ZNF644: variants seen among roughly 807,000 people sequenced by gnomAD.
ZNF644 encodes the protein zinc finger motif enhancer binding protein 2.
Under a neutral mutation model 108.0 loss-of-function variants are expected in ZNF644, and 20 were observed. That is an observed-to-expected ratio of 0.19 (90% CI 0.13 to 0.27). The LOEUF is 0.27. Ranked by LOEUF, ZNF644 falls within the 10% of genes least tolerant of loss-of-function variation. The probability of loss-of-function intolerance (pLI) is 1.00; values close to 1 mark genes in which losing one functional copy is unlikely to be tolerated. For missense variants in ZNF644, 1,338 were observed against 1,548.9 expected (o/e 0.86, Z 2.29); for synonymous variants, 542 against 539.1 (o/e 1.01, Z -0.08).
chr1:90,966,831 CAGTA>C (rs1401481926), intron 2 of ZNF644, among the ~76,000 whole-genome samples: 1 of 150,682 alleles, frequency 6.6e-6, no homozygotes, highest in African/African-American at 2.4e-5. Flanking sequence ...CTTAAGGTAG[CAGTA>C]AGTAAGAGCT....
intron 1 of ZNF644, among the ~76,000 whole-genome samples, chr1:91,010,255 T>C (rs926458228): frequency 9.6e-4 from 137 of 142,338 alleles, no homozygotes; most frequent in Non-Finnish European, 1.5e-3. Flanking sequence ...TTTTTTTTTT[T>C]CTGAGACACA....
intron 2 of ZNF644, among the ~76,000 whole-genome samples, chr1:90,947,972 G>T (rs1337379272): frequency 1.3e-5 from 2 of 152,106 alleles, no homozygotes; most frequent in Non-Finnish European, 2.9e-5. Context: ...CATTGTCATT[G>T]TAAGTCAGGG....
intron 1 of ZNF644, among the ~76,000 whole-genome samples, chr1:91,010,934 T>C (rs184204655): frequency 2.0e-4 from 31 of 152,330 alleles, no homozygotes; most frequent in African/African-American, 7.0e-4. Context: ...ACATTCATTT[T>C]TGTCAAAACA....
At chr1:90,981,488 TTAACAAAC>T (rs200349559) in intron 2 of ZNF644, among the ~76,000 whole-genome samples, 1,930 of 152,156 alleles carry the variant, frequency 0.013, 39 homozygotes, top group African/African-American at 0.044. Flanking sequence ...TTTTTTTTCT[TTAACAAAC>T]ATTGAGATCA....
At chr1:91,015,779 A>G (rs903226328) in intron 1 of ZNF644, among the ~76,000 whole-genome samples, 11 of 152,322 alleles carry the variant, frequency 7.2e-5, no homozygotes, top group South Asian at 2.1e-4. Context: ...ATGGGACATT[A>G]GCAAAAGTAT....
chr1:91,007,839 T>C (rs908102840), intron 1 of ZNF644, among the ~76,000 whole-genome samples: 1 of 152,202 alleles, frequency 6.6e-6, no homozygotes, highest in East Asian at 1.9e-4. Context: ...CATTTCCCTC[T>C]TCTCTTTCAT....
rs753899425 is a variant in ZNF644 at position 90,940,835 on chromosome 1, T to G, written c.519A>C (p.Gln173His). The change falls in exon 3 of 6, where the codon CAA becomes CAC. Residue 173 changes from glutamine (Q) to histidine (H), a missense_variant. Gln to His is a conservative substitution (Grantham distance 24). Coordinates refer to ENST00000337393, the MANE Select transcript of ZNF644 (RefSeq NM_201269.3). ...LSTPQKASQH[Q>H]VLFLLSDVAH... is the part of the protein sequence containing the mutation. ...CTACATCTGATAACAAAAATAAAACTTGGTGTTGACTTGCTTTCTGTGGTG... is the reference window on the plus strand; with the variant it reads ...CTACATCTGATAACAAAAATAAAACGTGGTGTTGACTTGCTTTCTGTGGTG... The G allele has an allele frequency of 6.2e-7, 1 of 1,614,012 alleles. No homozygotes were observed. The highest frequency in any genetic ancestry group is 1.7e-5 in the Admixed American group (1 of 60,020).
chr1:91,014,091 T>C (rs1352931900), intron 1 of ZNF644, among the ~76,000 whole-genome samples: 3 of 152,226 alleles, frequency 2.0e-5, no homozygotes, highest in Admixed American at 6.5e-5. Context: ...TGTATATATT[T>C]ATGGTGTACA....
chr1:90,956,440 T>G (rs946337861), intron 2 of ZNF644, among the ~76,000 whole-genome samples: 5 of 152,180 alleles, frequency 3.3e-5, no homozygotes, highest in African/African-American at 1.2e-4. Flanking sequence ...TATCTCAGCT[T>G]CAGTCTGCAT....
intron 1 of ZNF644, among the ~76,000 whole-genome samples, chr1:91,000,939 A>C (rs1570552239): frequency 1.3e-5 from 2 of 152,370 alleles, no homozygotes; most frequent in Admixed American, 1.3e-4. Context: ...ATCTAGAAGA[A>C]ATGGATAAAT....
At chr1:90,989,323 A>AG (rs1361394513) in intron 1 of ZNF644, among the ~76,000 whole-genome samples, 1 of 152,106 alleles carries the variant, frequency 6.6e-6, no homozygotes, top group Non-Finnish European at 1.5e-5. Flanking sequence ...CTGAGGTGGG[A>AG]GGATCGCTTG....
chr1:91,010,285 G>A (rs901657615), intron 1 of ZNF644, among the ~76,000 whole-genome samples: 9 of 147,652 alleles, frequency 6.1e-5, no homozygotes, highest in Admixed American at 4.8e-4. Flanking sequence ...TGTTGCCCAG[G>A]CTGAGTGCAG....
intron 4 of ZNF644, among the ~76,000 whole-genome samples, chr1:90,933,652 A>C (rs1471233483): frequency 7.0e-6 from 1 of 142,700 alleles, no homozygotes; most frequent in Non-Finnish European, 1.5e-5. Flanking sequence ...TGACAGAGCG[A>C]GACTCCGTCT....
chr1:90,940,221 T>C lies in ZNF644; in HGVS notation c.1133A>G (p.His378Arg). Residue 378 changes from histidine to arginine, a missense_variant, in exon 3 of 6, where the codon CAT becomes CGT. This residue lies in a region of ZNF644 where 464 missense variants were observed against 457.9 expected (regional missense o/e 1.01). Coordinates refer to ENST00000337393, the MANE Select transcript of ZNF644 (RefSeq NM_201269.3). ...DKCGEESSPV[H>R]TSTFLSNTLK... ...GGTATTTGAAAGAAAAGTGCTAGTA[T>C]GAACAGGTGAACTCTCTTCTCCACA... 2 of 1,614,050 alleles carry C rather than the reference T, an allele frequency of 1.2e-6. No homozygotes were observed. The highest frequency in any genetic ancestry group is 1.1e-5 in the South Asian group (1 of 91,074).
chr1:90,932,069 T>C (rs978668609), intron 4 of ZNF644, among the ~76,000 whole-genome samples: 14 of 152,150 alleles, frequency 9.2e-5, no homozygotes, highest in Non-Finnish European at 1.9e-4. Flanking sequence ...AACCATCACA[T>C]TAGAAGTATT....
chr1:90,939,466 T>G lies in ZNF644; in HGVS notation c.1888A>C (p.Ile630Leu), dbSNP rs1416758640. 26 of 1,613,856 alleles carry G rather than the reference T, an allele frequency of 1.6e-5. No individual in the cohort carries two copies. The highest frequency in any genetic ancestry group is 2.1e-5 in the Non-Finnish European group (25 of 1,179,904). The change falls in exon 3 of 6, where the codon ATC becomes CTC. Residue 630 changes from isoleucine (I) to leucine (L), a missense_variant. Physicochemically the swap from Ile to Leu is conservative, Grantham distance 5 (BLOSUM62 2). Coordinates refer to ENST00000337393, the MANE Select transcript of ZNF644 (RefSeq NM_201269.3). ...PLGLDKRKND[I>L]LEEPVDSDST... Reference sequence around the variant, plus strand: ...TCACTATCTACAGGTTCTTCAAGGATGTCATTTTTTCTTTTATCAAGTCCA... The same window carrying G: ...TCACTATCTACAGGTTCTTCAAGGAGGTCATTTTTTCTTTTATCAAGTCCA...
chr1:90,991,154 C>A (rs1249178737), intron 1 of ZNF644, among the ~76,000 whole-genome samples: 3 of 152,152 alleles, frequency 2.0e-5, no homozygotes, highest in Admixed American at 6.5e-5. Context: ...GGCAACAATA[C>A]ATGAATGACA....
At chr1:90,974,349 G>A (rs749036549) in intron 2 of ZNF644, among the ~76,000 whole-genome samples, 22 of 151,872 alleles carry the variant, frequency 1.4e-4, no homozygotes, top group Admixed American at 7.2e-4. Context: ...AGAATTTGAG[G>A]GACATTAAGA....
chr1:91,000,763 A>T (rs975545577), intron 1 of ZNF644, among the ~76,000 whole-genome samples: 1 of 152,204 alleles, frequency 6.6e-6, no homozygotes, highest in Non-Finnish European at 1.5e-5. Flanking sequence ...TTTTGAAAAG[A>T]TCAACACAAT....
Sources: gnomAD v4.1 joint callset for allele counts (sites outside exome capture counted in the v4.1 genomes callset) on GRCh38, gnomAD v4.1.1 for gene constraint, gnomAD v4.1.1 regional missense constraint, MANE v1.5 for transcripts, NCBI Gene and HGNC (gene_info 2026-07-23, HGNC 2026-07-21) for gene names.